The following KIT variants were observed in gnomAD, a reference collection of about 807,000 sequenced individuals.
The protein encoded by KIT is mast/stem cell growth factor receptor Kit.
KIT carries 16 observed loss-of-function variants against 105.7 expected under a neutral mutation model. The observed-to-expected ratio is 0.15, with a 90% CI of 0.10 to 0.23. The LOEUF (loss-of-function observed/expected upper bound fraction) is 0.23. Ranked by LOEUF, KIT falls within the 10% of genes least tolerant of loss-of-function variation. The pLI, the probability that KIT is intolerant of heterozygous loss-of-function variation, is 1.00. For missense variants in KIT, 858 were observed against 1,213.8 expected, an observed-to-expected ratio of 0.71 and a Z score of 4.36; for synonymous variants, 438 against 441.1, an observed-to-expected ratio of 0.99 and a Z score of 0.09.
At chr4:54,719,284 T>C (rs1721701119) in intron 7 of KIT, among the ~76,000 whole-genome samples, 1 of 152,172 alleles carries the variant, frequency 6.6e-6, no homozygotes, top group African/African-American at 2.4e-5. Context: ...ACCATTGGCT[T>C]GTGTATTGCC....
intron 1 of KIT, among the ~76,000 whole-genome samples, chr4:54,661,091 G>A (rs1282164019): frequency 2.0e-5 from 3 of 152,072 alleles, no homozygotes; most frequent in African/African-American, 7.2e-5. Flanking sequence ...CAGAAATGAA[G>A]GTAAGCTGTT....
At chr4:54,704,219 A>G (rs1720641323) in intron 5 of KIT, among the ~76,000 whole-genome samples, 1 of 152,230 alleles carries the variant, frequency 6.6e-6, no homozygotes, top group African/African-American at 2.4e-5. Context: ...GAGTTTGGAA[A>G]TGGATGTAGA....
intron 1 of KIT, among the ~76,000 whole-genome samples, chr4:54,687,865 C>T (rs1212027449): frequency 6.6e-6 from 1 of 152,168 alleles, no homozygotes; most frequent in African/African-American, 2.4e-5. Flanking sequence ...ACGTGTGTCA[C>T]CTCTTGATGT....
Position 54,705,622 on chromosome 4 carries a change from C to T in KIT, c.926-1476C>T, listed in dbSNP as rs141325828. Among the ~76,000 whole-genome samples, 686 of 152,214 alleles carry T rather than the reference C, an allele frequency of 4.5e-3. 4 individuals are homozygous for T. The highest frequency in any genetic ancestry group is 0.015 in the African/African-American group (643 of 41,526). On this transcript the variant is annotated intron_variant, in intron 5 of 20. Transcript: ENST00000288135. ...ACCTGGTTTTGAATTGGAGGCTCTG[C>T]CTGTAATCCCAGCACTTTGGGAGGC...
chr4:54,683,636 C>T (rs577903066), intron 1 of KIT, among the ~76,000 whole-genome samples: 6 of 152,340 alleles, frequency 3.9e-5, no homozygotes, highest in African/African-American at 1.4e-4. Context: ...CTGAGAAAAG[C>T]TTTGACAGAT....
chr4:54,703,349 TAGAAG>T (rs770919719), intron 4 of KIT, among the ~76,000 whole-genome samples: 2 of 152,136 alleles, frequency 1.3e-5, no homozygotes, highest in Non-Finnish European at 2.9e-5. Context: ...CATTGGGACA[TAGAAG>T]AGAAAAAGAC....
intron 14 of KIT, 79 bp from the exon 15 acceptor site, chr4:54,731,249 G>A: frequency 2.2e-6 from 2 of 921,014 alleles, no homozygotes; most frequent in South Asian, 2.6e-5. Flanking sequence ...CAAAGGGGAT[G>A]AGGAGGTAGA....
In KIT at chr4:54,738,666, C is replaced by T. The variant is rs1460222043; in HGVS notation, c.*109C>T. ...GCATCCAACTCCAGGATAGTGGGCACCCCACTGCAATCCTGTCTTTCTGAG... is the reference window on the plus strand; with the variant it reads ...GCATCCAACTCCAGGATAGTGGGCATCCCACTGCAATCCTGTCTTTCTGAG... On this transcript the variant is annotated 3_prime_UTR_variant, in exon 21 of 21. Coordinates refer to ENST00000288135, the MANE Select transcript of KIT (RefSeq NM_000222.3). 1.5e-6 allele frequency: 2 copies of T among 1,320,452 alleles called. No individual in the cohort carries two copies. Among genetic ancestry groups the T allele is most frequent in the Non-Finnish European group, 2.2e-6 (2 of 926,308 alleles). 81.8% of individuals were successfully genotyped at this position (1,320,452 alleles called of 1,614,324 possible). A position where few individuals can be genotyped will look rare whatever the true frequency, so the allele number is the denominator to read the frequency against.
intron 9 of KIT, among the ~76,000 whole-genome samples, chr4:54,726,291 G>C (rs1234913277): frequency 1.3e-5 from 2 of 152,112 alleles, no homozygotes; most frequent in African/African-American, 4.8e-5. Flanking sequence ...TCTATTAGTT[G>C]TATATTTACA....
chr4:54,699,181 T>C (rs999895059), intron 3 of KIT, among the ~76,000 whole-genome samples: 6 of 152,206 alleles, frequency 3.9e-5, no homozygotes, highest in Non-Finnish European at 5.9e-5. Flanking sequence ...AGTATACTTA[T>C]TGAAATTAGG....
intron 5 of KIT, among the ~76,000 whole-genome samples, chr4:54,704,511 C>T (rs1179206026): frequency 6.6e-6 from 1 of 152,052 alleles, no homozygotes; most frequent in African/African-American, 2.4e-5. Flanking sequence ...CCCCGGACCC[C>T]ATCATATCTG....
At chr4:54,709,913 C>T (rs79425580) in intron 7 of KIT, among the ~76,000 whole-genome samples, 2,677 of 152,288 alleles carry the variant, frequency 0.018, 73 homozygotes, top group African/African-American at 0.058. Flanking sequence ...GAGATGCTAT[C>T]GAGCCCTGAC....
At chr4:54,725,428 C>A (rs1015945275) in intron 8 of KIT, among the ~76,000 whole-genome samples, 1 of 151,994 alleles carries the variant, frequency 6.6e-6, no homozygotes, top group African/African-American at 2.4e-5. Flanking sequence ...TTATGCTTTC[C>A]TCCTCTATGC....
At chr4:54,689,274 A>C (rs1577943839) in intron 1 of KIT, among the ~76,000 whole-genome samples, 1 of 152,226 alleles carries the variant, frequency 6.6e-6, no homozygotes, top group African/African-American at 2.4e-5. Context: ...CACTTTATAC[A>C]TGTAATTTAT....
At chr4:54,669,697 C>A (rs1487836763) in intron 1 of KIT, among the ~76,000 whole-genome samples, 3 of 129,336 alleles carry the variant, frequency 2.3e-5, no homozygotes, top group East Asian at 4.1e-4. Context: ...GTCCAGGAGT[C>A]CAGAAAGGAA....
At chr4:54,684,954 C>T (rs1719208675) in intron 1 of KIT, among the ~76,000 whole-genome samples, 1 of 152,206 alleles carries the variant, frequency 6.6e-6, no homozygotes, top group South Asian at 2.1e-4. Flanking sequence ...TTCTCTGCTC[C>T]CCAACCTACT....
At position 54,726,068 on chromosome 4, in the gene KIT, C is replaced by A. The variant is rs1037537544; in HGVS notation, c.1540+18C>A. 1.9e-6 allele frequency: 3 copies of A among 1,594,202 alleles called. No homozygotes were observed. The highest frequency in any genetic ancestry group is 2.7e-5 in the African/African-American group (2 of 74,502). On this transcript the variant is annotated intron_variant, in intron 9 of 20. Transcript: ENST00000288135. Reference sequence around the variant, plus strand: ...CAACAAAGGTATATTTCTTTTTAATCCAATTTAAGGGGATGTTTAGGCTCT... The same window carrying A: ...CAACAAAGGTATATTTCTTTTTAATACAATTTAAGGGGATGTTTAGGCTCT...
chr4:54,725,886 T>C lies in KIT; in HGVS notation c.1376T>C (p.Val459Ala), dbSNP rs1722185671. Residue 459 changes from valine to alanine, a missense_variant, in exon 9 of 21, where the codon GTG (valine) becomes GCG (alanine). Around this residue, in one of 7 missense-constraint regions of KIT, gnomAD observed 401 missense variants for 601.0 expected, o/e 0.67. Transcript: ENST00000288135. ...TCTGCTTCTGTACTGCCAGTGGATG[T>C]GCAGACACTAAACTCATCTGGGCCA... is the stretch of plus-strand genomic sequence containing the variant. ...RCSASVLPVD[V>A]QTLNSSGPPF... 1.2e-6 allele frequency: 2 copies of C among 1,614,168 alleles called. No individual in the cohort carries two copies. Among genetic ancestry groups the C allele is most frequent in the Non-Finnish European group, 1.7e-6 (2 of 1,180,006 alleles).
At position 54,723,638 on chromosome 4, in the gene KIT, T is replaced by C; in HGVS notation, c.1286T>C (p.Val429Ala). The part of the protein sequence containing the change: ...DRLVNGMLQC[V>A]AAGFPEPTID... ...CTCGTGAATGGCATGCTCCAATGTG[T>C]GGCAGCAGGATTCCCAGAGCCCACA... Residue 429 changes from valine (V) to alanine (A), a missense_variant, in exon 8 of 21, where the codon GTG becomes GCG. Physicochemically the swap from Val to Ala is moderately conservative, Grantham distance 64. Coordinates refer to ENST00000288135, the MANE Select transcript of KIT (RefSeq NM_000222.3). 1.2e-6 allele frequency: 2 copies of C among 1,614,168 alleles called. No homozygotes were observed. The highest frequency in any genetic ancestry group is 1.7e-6 in the Non-Finnish European group (2 of 1,180,022).
Sources: gnomAD v4.1 joint callset for allele counts (sites outside exome capture counted in the v4.1 genomes callset) on GRCh38, gnomAD v4.1.1 for gene constraint, gnomAD v4.1.1 regional missense constraint, MANE v1.5 for transcripts, NCBI Gene and HGNC (gene_info 2026-07-23, HGNC 2026-07-21) for gene names.